The following IFI27L2 variants were observed in gnomAD, a reference collection of about 807,000 sequenced individuals.
The protein encoded by IFI27L2 is interferon alpha-inducible protein 27-like protein 2.
A neutral mutation model predicts 7.9 loss-of-function variants in IFI27L2; 8 were observed. That is an observed-to-expected ratio of 1.02 (90% CI 0.60 to 1.84). The LOEUF (loss-of-function observed/expected upper bound fraction) is 1.84. Ranked by LOEUF, IFI27L2 falls within the 40% of genes most tolerant of loss-of-function variation. The pLI is 0.00. For synonymous variants in IFI27L2, 56 were observed against 66.5 expected, an observed-to-expected ratio of 0.84 and a Z score of 0.77; for missense variants, 190 against 165.8, an observed-to-expected ratio of 1.15 and a Z score of -0.80.
chr14:94,128,816 G>T, intron 2 of IFI27L2, 141 bp from the exon 3 acceptor site: 3 of 677,848 alleles, frequency 4.4e-6, no homozygotes, highest in Non-Finnish European at 7.4e-6. Context: ...GTGGTCTTCT[G>T]GTGAAGAAAA....
chr14:94,128,738 C>A, intron 2 of IFI27L2, 63 bp from the exon 3 acceptor site: 1 of 1,400,352 alleles, frequency 7.1e-7, no homozygotes, highest in Admixed American at 2.1e-5. Context: ...TCCCCCCGCC[C>A]CCCGCTTAGG....
In IFI27L2 at chr14:94,129,553, C is replaced by T; in HGVS notation, c.7+5G>A. 2.5e-6 allele frequency: 4 copies of T among 1,613,742 alleles called. No individual in the cohort carries two copies. The highest frequency in any genetic ancestry group is 2.5e-6 in the Non-Finnish European group (3 of 1,179,730). On this transcript the variant is annotated splice_donor_5th_base_variant and intron_variant, in intron 1 of 3. Coordinates refer to ENST00000238609, the MANE Select transcript of IFI27L2 (RefSeq NM_032036.3). ...CCGCCAGCCCCCTGGGGAAGCAAGA[C>T]TCACTCATCATGGTGAGGCCGTCCG...
chr14:94,129,538 C>G lies in IFI27L2; in HGVS notation c.7+20G>C. 6.2e-7 allele frequency: 1 copy of G among 1,612,610 alleles called. No homozygotes were observed. Among genetic ancestry groups the G allele is most frequent in the African/African-American group, 1.3e-5 (1 of 74,906 alleles). On this transcript the variant is annotated intron_variant, in intron 1 of 3. Transcript: ENST00000238609. ...TGCCCCCAGCCCAGCCCGCCAGCCC[C>G]CTGGGGAAGCAAGACTCACTCATCA...
intron 1 of IFI27L2, 79 bp from the exon 2 acceptor site, chr14:94,129,370 G>C (rs904015596): frequency 2.8e-5 from 29 of 1,045,786 alleles, no homozygotes; most frequent in Non-Finnish European, 4.0e-5. Flanking sequence ...GAAAGGGAGG[G>C]AGGGGGAGGG....
In IFI27L2 at chr14:94,129,580, G is replaced by T; in HGVS notation, c.-16C>A. The T allele has an allele frequency of 6.2e-7, 1 of 1,613,610 alleles. No individual in the cohort carries two copies. Among genetic ancestry groups the T allele is most frequent in the Non-Finnish European group, 8.5e-7 (1 of 1,179,650 alleles). On this transcript the variant is annotated 5_prime_UTR_variant, in exon 1 of 4. Transcript: ENST00000238609. ...CACTCATCATGGTGAGGCCGTCCGG[G>T]TCCCAACTTGGCCCAGGAAATGACA...
At position 94,127,849 on chromosome 14, in the gene IFI27L2, G is replaced by A. The variant is rs2139314480; in HGVS notation, c.343C>T (p.Gln115Ter). The change falls in exon 4 of 4, where the codon CAA (glutamine) becomes TAA (stop). Residue 115 changes from glutamine (Q) to a stop codon, truncating the protein, a stop_gained. Coordinates refer to ENST00000238609, the MANE Select transcript of IFI27L2 (RefSeq NM_032036.3). LOFTEE classifies it low-confidence loss of function (END_TRUNC). ...KEDEARENVP[Q>*]GEPPKPPLKS... is the part of the protein sequence containing the mutation. The stretch of plus-strand genomic sequence containing the variant: ...AGTGGGGGTTTTGGAGGTTCACCTT[G>A]GGGTACATTTTCTCTTGCCTCATCT... The A allele has an allele frequency of 6.2e-7, 1 of 1,614,100 alleles. No individual in the cohort carries two copies. Among genetic ancestry groups the A allele is most frequent in the Non-Finnish European group, 8.5e-7 (1 of 1,179,960 alleles).
chr14:94,128,267 T>C (rs1027823205), intron 3 of IFI27L2: 3 of 594,068 alleles, frequency 5.0e-6, no homozygotes, highest in African/African-American at 3.7e-5. Context: ...GTCACCCAGG[T>C]GTCAGAACCC....
chr14:94,128,722 G>C, intron 2 of IFI27L2, 47 bp from the exon 3 acceptor site: 1 of 1,521,130 alleles, frequency 6.6e-7, no homozygotes, highest in Non-Finnish European at 8.9e-7. Flanking sequence ...CAGGAGAAGG[G>C]ACCCTTCCCC....
rs1249589007 is a variant in IFI27L2, at chr14:94,127,838, AG to A, written c.353del (p.Pro118LeufsTer?). On this transcript the variant is annotated frameshift_variant, in exon 4 of 4. Transcript: ENST00000238609. LOFTEE classifies it low-confidence loss of function (END_TRUNC). ...EARENVPQGEPPKPPLKSEKH... is the reference protein window; with the variant it reads ...EARENVPQGEXPKPPLKSEKH... ...TCTCTGACTTGAGTGGGGGTTTTGG[AG>A]GTTCACCTTGGGGTACATTTTCTCT... 4 of 1,613,910 alleles carry A rather than the reference AG, an allele frequency of 2.5e-6. No homozygotes were observed. Among genetic ancestry groups the A allele is most frequent in the Non-Finnish European group, 3.4e-6 (4 of 1,179,956 alleles).
At position 94,128,674 on chromosome 14, in the gene IFI27L2, G is replaced by A. The variant is rs1473785133; in HGVS notation, c.39C>T (p.Ala13=). Residue 13 remains alanine, a splice_region_variant and synonymous_variant, in exon 3 of 4, where the codon GCC becomes GCT. Coordinates refer to ENST00000238609, the MANE Select transcript of IFI27L2 (RefSeq NM_032036.3). ...CCACGGGCACAGCCCCCACTGCCAG[G>A]GCTGTGGGGAGAGAGAAGCTGAGTG... The part of the protein sequence containing the change: ...KRAAAAAVGG[A]LAVGAVPVVL... 3.7e-6 allele frequency: 6 copies of A among 1,610,616 alleles called. No individual in the cohort carries two copies. In the East Asian group the frequency reaches 1.3e-4, roughly 36 times the overall value.
chr14:94,128,490 G>T, intron 3 of IFI27L2, 24 bp downstream of exon 3: 1 of 1,610,788 alleles, frequency 6.2e-7, no homozygotes, highest in Non-Finnish European at 8.5e-7. Flanking sequence ...TCGCAGCTCT[G>T]GTGGTCCTGT....
intron 1 of IFI27L2, 106 bp from the exon 2 acceptor site, chr14:94,129,397 G>A: frequency 1.0e-6 from 1 of 960,496 alleles, no homozygotes; most frequent in Non-Finnish European, 1.7e-6. Flanking sequence ...GGAGCGGAGG[G>A]AGGAAGGGAA....
chr14:94,129,534 G>C, intron 1 of IFI27L2, 24 bp downstream of exon 1: 1 of 1,611,354 alleles, frequency 6.2e-7, no homozygotes, highest in Non-Finnish European at 8.5e-7. Flanking sequence ...CAGCCCGCCA[G>C]CCCCCTGGGG....
At chr14:94,129,339 GAA>G (rs772070684) in intron 1 of IFI27L2, 48 bp from the exon 2 acceptor site, 2 of 1,164,638 alleles carry the variant, frequency 1.7e-6, no homozygotes, top group Non-Finnish European at 2.4e-6. Context: ...GGAAAGGGGA[GAA>G]AGAGGAGAGA....
Position 94,127,916 on chromosome 14 carries a change from A to G in IFI27L2, c.276T>C (p.Asn92=). The G allele has an allele frequency of 6.2e-7, 1 of 1,613,874 alleles. No homozygotes were observed. The highest frequency in any genetic ancestry group is 8.5e-7 in the Non-Finnish European group (1 of 1,179,794). ...VGSVLGACLG[N]SPSSSLPAEP... is the part of the protein sequence containing the mutation. ...CAGCTGGGAGAGAAGAAGAAGGTGA[A>G]TTCCCCAAGCAGGCCCCCAACACTG... Residue 92 remains asparagine, a synonymous_variant, in exon 4 of 4, where the codon AAT becomes AAC. Transcript: ENST00000238609.
At chr14:94,128,141 A>G (rs1050960260) in intron 3 of IFI27L2, 149 bp from the exon 4 acceptor site, 2 of 615,472 alleles carry the variant, frequency 3.2e-6, no homozygotes, top group African/African-American at 3.7e-5. Context: ...GGGTGAATTC[A>G]CGGAAACTGA....
chr14:94,127,935 A>G lies in IFI27L2; in HGVS notation c.257T>C (p.Leu86Ser), dbSNP rs777350726. 3.1e-6 allele frequency: 5 copies of G among 1,613,958 alleles called. No individual in the cohort carries two copies. The East Asian group carries it at 8.9e-5, about 29-fold the overall frequency. The change falls in exon 4 of 4, where the codon TTG (leucine) becomes TCG (serine). Residue 86 changes from leucine (L) to serine (S), a missense_variant. Coordinates refer to ENST00000238609, the MANE Select transcript of IFI27L2 (RefSeq NM_032036.3). ...NILLASVGSV[L>S]GACLGNSPSS... is the part of the protein sequence containing the mutation. ...AGGTGAATTCCCCAAGCAGGCCCCCAACACTGACCCAACAGAGGCCAGGAG... is the reference window on the plus strand; with the variant it reads ...AGGTGAATTCCCCAAGCAGGCCCCCGACACTGACCCAACAGAGGCCAGGAG...
At chr14:94,128,114 A>G (rs1313638756) in intron 3 of IFI27L2, 122 bp from the exon 4 acceptor site, 1 of 651,434 alleles carries the variant, frequency 1.5e-6, no homozygotes, top group African/African-American at 1.8e-5. Context: ...GCTAGAGGCA[A>G]CTAAAAGACA....
intron 1 of IFI27L2, 91 bp from the exon 2 acceptor site, chr14:94,129,382 A>G (rs968596): frequency 2.4e-6 from 2 of 835,954 alleles, no homozygotes; most frequent in Admixed American, 2.1e-5. Flanking sequence ...GGGGGAGGGA[A>G]GCAAGGAGCG....
Sources: allele counts gnomAD v4.1 joint callset, GRCh38; gene constraint gnomAD v4.1.1; transcripts MANE v1.5; gene names NCBI Gene and HGNC (gene_info 2026-07-23, HGNC 2026-07-21).